Variants in MARCHF6 observed in about 807,000 individuals in gnomAD.
MARCHF6 encodes the protein membrane associated ring-CH-type finger 6.
A neutral mutation model predicts 133.7 loss-of-function variants in MARCHF6; 31 were observed. The ratio of observed to expected loss-of-function variants is 0.23; its 90% CI spans 0.17 to 0.31. The LOEUF (loss-of-function observed/expected upper bound fraction) is 0.31. Among genes scored for constraint, MARCHF6 ranks in the 10% least tolerant of loss-of-function variants. The pLI, the probability that MARCHF6 is intolerant of heterozygous loss-of-function variation, is 1.00. For missense variants in MARCHF6, 723 were observed against 1,121.6 expected (o/e 0.64, Z 5.08); for synonymous variants, 395 against 402.5 (o/e 0.98, Z 0.22).
intron 1 of MARCHF6, among the ~76,000 whole-genome samples, 159 bp from the exon 2 acceptor site, chr5:10,377,639 A>G (rs1248453183): frequency 6.6e-6 from 1 of 152,256 alleles, no homozygotes; most frequent in African/African-American, 2.4e-5. Flanking sequence ...AAACACTTGA[A>G]TAGCAACTTA....
chr5:10,405,998 C>T (rs754927060), intron 16 of MARCHF6, among the ~76,000 whole-genome samples: 13 of 152,104 alleles, frequency 8.5e-5, no homozygotes, highest in Non-Finnish European at 1.2e-4. Flanking sequence ...AGATGGGCAG[C>T]GGTCAAGCAA....
chr5:10,408,999 T>G (rs1739075026), intron 17 of MARCHF6, among the ~76,000 whole-genome samples: 1 of 152,166 alleles, frequency 6.6e-6, no homozygotes, highest in African/African-American at 2.4e-5. Flanking sequence ...AAAAAAATAT[T>G]TTGTGGAGAC....
At chr5:10,428,970 T>C (rs1205762591) in intron 24 of MARCHF6, among the ~76,000 whole-genome samples, 1 of 152,212 alleles carries the variant, frequency 6.6e-6, no homozygotes, top group Admixed American at 6.5e-5. Flanking sequence ...TTAGGGTAGC[T>C]TTTTAATATG....
In MARCHF6 at chr5:10,405,663, T is replaced by C; in HGVS notation, c.1438T>C (p.Phe480Leu). The change falls in exon 16 of 26, where the codon TTT becomes CTT. Residue 480 changes from phenylalanine (F) to leucine (L), a missense_variant. Transcript: ENST00000274140. ...GCCAATATATAGGCATCTCCGAAGA[T>C]TTATTTTGTCAGTGGTAAGAAGATG... ...HLPIYRHLRR[F>L]ILSVIVFGSI... The C allele has an allele frequency of 6.3e-7, 1 of 1,595,620 alleles. No individual in the cohort carries two copies. Among genetic ancestry groups the C allele is most frequent in the South Asian group, 1.2e-5 (1 of 86,070 alleles).
chr5:10,392,063 A>G (rs1684545027), intron 7 of MARCHF6, among the ~76,000 whole-genome samples: 1 of 149,502 alleles, frequency 6.7e-6, no homozygotes, highest in African/African-American at 2.5e-5. Flanking sequence ...GGTTCACGCC[A>G]TTCTCCGGCC....
chr5:10,386,546 T>G, intron 4 of MARCHF6, among the ~76,000 whole-genome samples: 1 of 152,266 alleles, frequency 6.6e-6, no homozygotes, highest in East Asian at 1.9e-4. Context: ...AGGTTGCCAT[T>G]TATGGCATTG....
chr5:10,426,314 T>G, intron 23 of MARCHF6, 76 bp from the exon 24 acceptor site: 1 of 1,520,136 alleles, frequency 6.6e-7, no homozygotes, highest in Non-Finnish European at 9.0e-7. Flanking sequence ...CAGATTCAGT[T>G]GTGTGGAGAT....
intron 12 of MARCHF6, 54 bp from the exon 13 acceptor site, chr5:10,402,329 TA>T: frequency 2.1e-6 from 3 of 1,445,608 alleles, no homozygotes; most frequent in Non-Finnish European, 2.9e-6. Context: ...GCTAAGTAGT[TA>T]CCTGTTTCAT....
At chr5:10,354,616 A>G (rs1735331527) in intron 1 of MARCHF6, 1 of 152,216 alleles carries the variant, frequency 6.6e-6, no homozygotes, top group Admixed American at 6.5e-5. Context: ...TGAATACTTA[A>G]GATATAAACG....
Position 10,415,730 on chromosome 5 carries a change from C to G in MARCHF6, c.2148+61C>G, listed in dbSNP as rs567395821. The G allele has an allele frequency of 2.1e-6, 3 of 1,410,536 alleles. No individual in the cohort carries two copies. The South Asian group carries it at 4.7e-5, about 22-fold the overall frequency. 87.4% of individuals were successfully genotyped at this position (1,410,536 alleles called of 1,614,324 possible). On this transcript the variant is annotated intron_variant, in intron 21 of 25. Transcript: ENST00000274140. ...TAGGAATAGTGAATATTTTTCCAGT[C>G]ATCTTAAATTTTTTTTTTTGGCACA...
Position 10,400,774 on chromosome 5 carries a change from C to T in MARCHF6, c.914-10C>T, listed in dbSNP as rs748636513. 9 of 1,609,298 alleles carry T rather than the reference C, an allele frequency of 5.6e-6. No homozygotes were observed. The highest frequency in any genetic ancestry group is 1.3e-5 in the African/African-American group (1 of 74,698). The stretch of plus-strand genomic sequence containing the variant: ...TCGGAGTTTTCATGGAATTTTTTCC[C>T]CCTTTTTAGCATTTTGCCCTTACCA... On this transcript the variant is annotated splice_polypyrimidine_tract_variant and intron_variant, in intron 10 of 25. Transcript: ENST00000274140.
intron 25 of MARCHF6, 134 bp from the exon 26 acceptor site, chr5:10,433,460 T>C: frequency 1.5e-6 from 1 of 658,442 alleles, no homozygotes; most frequent in Admixed American, 2.3e-5. Context: ...CCTTTACAGG[T>C]GTTCACTCGG....
chr5:10,407,680 G>A (rs186944742), intron 17 of MARCHF6, among the ~76,000 whole-genome samples: 20 of 152,302 alleles, frequency 1.3e-4, no homozygotes, highest in East Asian at 3.9e-4. Context: ...AAGGCCAGGC[G>A]TGGTGGCTCA....
At chr5:10,431,643 G>A (rs1259453737) in intron 25 of MARCHF6, among the ~76,000 whole-genome samples, 3 of 151,658 alleles carry the variant, frequency 2.0e-5, no homozygotes, top group African/African-American at 7.3e-5. Context: ...GTGTGTGTGT[G>A]TGTGTGTGAG....
At chr5:10,394,450 A>T (rs972543003) in intron 8 of MARCHF6, among the ~76,000 whole-genome samples, 5 of 152,224 alleles carry the variant, frequency 3.3e-5, no homozygotes, top group Non-Finnish European at 7.3e-5. Flanking sequence ...TGACAAAATA[A>T]TACAGTTTTA....
chr5:10,397,615 GA>G (rs1362496513), intron 10 of MARCHF6, among the ~76,000 whole-genome samples: 1 of 151,840 alleles, frequency 6.6e-6, no homozygotes, highest in Non-Finnish European at 1.5e-5. Flanking sequence ...AGACCGACTT[GA>G]AAATATACAG....
intron 1 of MARCHF6, 66 bp downstream of exon 1, chr5:10,353,983 C>T (rs1735268622): frequency 4.1e-6 from 6 of 1,480,956 alleles, no homozygotes; most frequent in Non-Finnish European, 5.4e-6. Flanking sequence ...CCGGCCAGGT[C>T]CGCGGCGCTC....
rs139430983 is a variant in MARCHF6 at position 10,377,670 on chromosome 5, G to A, written c.20-128G>A. The A allele has an allele frequency of 4.7e-4, 273 of 580,180 alleles. 1 individual carries two copies. Among genetic ancestry groups the A allele is most frequent in the African/African-American group, 1.9e-3 (102 of 54,282 alleles). 35.9% of individuals were successfully genotyped at this position (580,180 alleles called of 1,614,324 possible). A position where few individuals can be genotyped will look rare whatever the true frequency, so the allele number is the denominator to read the frequency against. On this transcript the variant is annotated intron_variant, in intron 1 of 25. Transcript: ENST00000274140. ...ACTTAATCACAACTTTCAGTTCTCC[G>A]TACTATTAATGTTTTGTCAAGTGAT...
At chr5:10,399,570 A>G (rs1738396227) in intron 10 of MARCHF6, among the ~76,000 whole-genome samples, 1 of 150,338 alleles carries the variant, frequency 6.7e-6, no homozygotes, top group African/African-American at 2.5e-5. Flanking sequence ...AGAAGACTAT[A>G]AAAATTCTCT....
Sources: gnomAD v4.1 joint callset for allele counts (sites outside exome capture counted in the v4.1 genomes callset) on GRCh38, gnomAD v4.1.1 for gene constraint, MANE v1.5 for transcripts, NCBI Gene and HGNC (gene_info 2026-07-23, HGNC 2026-07-21) for gene names.